TMSB15A: variants seen among roughly 807,000 people sequenced by gnomAD.
TMSB15A encodes thymosin beta-15A.
In TMSB15A, 1 loss-of-function variant was observed where a neutral mutation model predicts 3.2. The ratio of observed to expected loss-of-function variants is 0.32; its 90% confidence interval spans 0.11 to 1.50. The LOEUF (loss-of-function observed/expected upper bound fraction) is 1.50, where lower values mean the gene tolerates loss of function less well. TMSB15A is among the 40% of genes most tolerant of loss of function. The pLI, the probability that TMSB15A is intolerant of heterozygous loss-of-function variation, is 0.39. For missense variants in TMSB15A, 22 were observed against 27.8 expected, an observed-to-expected ratio of 0.79 and a Z score of 0.47; for synonymous variants, 10 against 11.2, an observed-to-expected ratio of 0.90 and a Z score of 0.21.
intron 1 of TMSB15A, among the ~76,000 whole-genome samples, 180 bp from the exon 2 acceptor site, chrX:102,515,360 C>T (rs1230162954): frequency 8.9e-6 from 1 of 111,870 alleles, no homozygotes; most frequent in African/African-American, 3.3e-5. Context: ...TTTAACTCCA[C>T]ATCATTAGCC....
At position 102,515,085 on chromosome X, in the gene TMSB15A, T is replaced by A. The variant is rs1556403424; in HGVS notation, c.79A>T (p.Asn27Tyr). 8.3e-7 allele frequency: 1 copy of A among 1,211,377 alleles called. No individual in the cohort carries two copies. The highest frequency in any genetic ancestry group is 3.0e-5 in the East Asian group (1 of 33,828). Residue 27 changes from asparagine (N) to tyrosine (Y), a missense_variant, in exon 2 of 3, where the codon AAT (asparagine) becomes TAT (tyrosine). Asn to Tyr is a moderately radical substitution (Grantham distance 143, BLOSUM62 -2). Transcript: ENST00000289373. ...TTACTTTCCTTTGAGGGAAGAGTAT[T>A]TTTTTCTTCAGTATTAGTTTTCTTC... ...KLKKTNTEEK[N>Y]TLPSKETIQQ...
At position 102,513,732 on chromosome X, in the gene TMSB15A, G is replaced by A. The variant is rs984941507; in HGVS notation, c.*355C>T. The A allele has an allele frequency of 5.2e-6, 1 of 193,804 alleles. No homozygotes were observed. The highest frequency in any genetic ancestry group is 9.6e-6 in the Non-Finnish European group (1 of 104,017). 16.0% of individuals were successfully genotyped at this position (193,804 alleles called of 1,213,427 possible). On this transcript the variant is annotated 3_prime_UTR_variant, in exon 3 of 3. Transcript: ENST00000289373. ...ACTACATTAGAAATGCAAATAAACT[G>A]TGAAAAGCTGCAAAAGCATGCAACT...
intron 1 of TMSB15A, 29 bp from the exon 2 acceptor site, chrX:102,515,209 C>T (rs1556403469): frequency 8.4e-7 from 1 of 1,187,369 alleles, no homozygotes; most frequent in Middle Eastern, 3.2e-4. Context: ...TTTAAGAAAA[C>T]TTACCTGGCA....
intron 1 of TMSB15A, among the ~76,000 whole-genome samples, chrX:102,515,712 G>C (rs1156291725): frequency 9.0e-6 from 1 of 110,772 alleles, no homozygotes; most frequent in Non-Finnish European, 1.9e-5. Flanking sequence ...AAAGATGACA[G>C]TACATTAAGG....
At chrX:102,515,649 A>C (rs1350088950) in intron 1 of TMSB15A, among the ~76,000 whole-genome samples, 2 of 107,174 alleles carry the variant, frequency 1.9e-5, no homozygotes, top group Non-Finnish European at 3.9e-5. Flanking sequence ...GAGCAGCACA[A>C]AAAAAAAAAG....
chrX:102,514,535 A>C (rs1434583599), intron 2 of TMSB15A, among the ~76,000 whole-genome samples: 1 of 111,947 alleles, frequency 8.9e-6, no homozygotes, highest in African/African-American at 3.2e-5. Context: ...TTTTGCAAAA[A>C]CACTTGGAGT....
intron 2 of TMSB15A, among the ~76,000 whole-genome samples, chrX:102,514,852 T>C (rs782719595): frequency 1.9e-4 from 21 of 111,295 alleles, no homozygotes; most frequent in Middle Eastern, 9.4e-3. Context: ...AAACTAGTTT[T>C]CCCCCCCATT....
intron 2 of TMSB15A, 136 bp from the exon 3 acceptor site, chrX:102,514,260 A>C (rs1556403270): frequency 4.8e-5 from 31 of 650,312 alleles, no homozygotes; most frequent in Non-Finnish European, 2.5e-6. Context: ...ATTAACCACA[A>C]ATCCTCACAT....
Position 102,515,051 on chromosome X carries a change from C to T in TMSB15A, c.100+13G>A. On this transcript the variant is annotated intron_variant, in intron 2 of 2. Transcript: ENST00000289373. ...TCTACTGTGTGTTTCCACTAGAACC[C>T]CCCATGACTTACTTTCCTTTGAGGG... 1 of 1,207,863 alleles carries T rather than the reference C, an allele frequency of 8.3e-7. No homozygotes were observed. The highest frequency in any genetic ancestry group is 1.1e-6 in the Non-Finnish European group (1 of 892,498).
intron 2 of TMSB15A, 129 bp downstream of exon 2, chrX:102,514,935 T>G: frequency 1.5e-6 from 1 of 650,066 alleles, no homozygotes; most frequent in Non-Finnish European, 2.3e-6. Context: ...TTTTAACTGT[T>G]ACATTAAACA....
chrX:102,514,263 C>A (rs1472558098), intron 2 of TMSB15A, 139 bp from the exon 3 acceptor site: 5 of 647,611 alleles, frequency 7.7e-6, no homozygotes, highest in Admixed American at 4.8e-5. Context: ...AACCACAAAT[C>A]CTCACATTAG....
At chrX:102,516,107 T>A (rs1352550150) in intron 1 of TMSB15A, among the ~76,000 whole-genome samples, 3 of 110,650 alleles carry the variant, frequency 2.7e-5, no homozygotes, top group Non-Finnish European at 3.8e-5. Flanking sequence ...CGAACATGCC[T>A]CCATTCCGTC....
intron 1 of TMSB15A, among the ~76,000 whole-genome samples, chrX:102,515,994 G>A (rs782128385): frequency 9.0e-6 from 1 of 110,915 alleles, no homozygotes; most frequent in Non-Finnish European, 1.9e-5. Flanking sequence ...AGAAATCGGA[G>A]GGCAGAGTTC....
At chrX:102,515,037 T>C (rs1556403394) in intron 2 of TMSB15A, 27 bp downstream of exon 2, 12 of 1,200,936 alleles carry the variant, frequency 1.0e-5, no homozygotes, top group Non-Finnish European at 1.2e-5. Flanking sequence ...CTACTGTGTG[T>C]TTCCACTAGA....
Position 102,516,723 on chromosome X carries a change from C to T in TMSB15A, c.-75G>A, listed in dbSNP as rs1273715358. ...GCGGGGCTGAGACCCAGACTCGCTC[C>T]GGACCAGGTTAGCGTTCCCGCGCAG... On this transcript the variant is annotated 5_prime_UTR_variant, in exon 1 of 3. Transcript: ENST00000289373. 9.0e-6 allele frequency: 1 copy of T among 111,437 alleles called. No individual in the cohort carries two copies. Among genetic ancestry groups the T allele is most frequent in the South Asian group, 3.8e-4 (1 of 2,604 alleles). The allele number at this position is 111,437 out of a possible 1,213,427, so 9.2% of individuals were successfully genotyped here.
In TMSB15A at chrX:102,514,084, A is replaced by G. The variant is rs1556403232; in HGVS notation, c.*3T>C. On this transcript the variant is annotated 3_prime_UTR_variant, in exon 3 of 3. Coordinates refer to ENST00000289373, the MANE Select transcript of TMSB15A (RefSeq NM_021992.3). ...AATCTGCTGTTGGGAGGCGATCCCC[A>G]TTTTATGATGTTTGAACACACTCTT... 2 of 1,211,704 alleles carry G rather than the reference A, an allele frequency of 1.7e-6. No homozygotes were observed.
chrX:102,515,310 G>C, intron 1 of TMSB15A, 130 bp from the exon 2 acceptor site: 1 of 515,304 alleles, frequency 1.9e-6, no homozygotes, highest in Middle Eastern at 6.2e-4. Flanking sequence ...CAGAAAAACA[G>C]CAACAGATCT....
At chrX:102,515,638 G>C in intron 1 of TMSB15A, among the ~76,000 whole-genome samples, 1 of 108,323 alleles carries the variant, frequency 9.2e-6, no homozygotes, top group Non-Finnish European at 1.9e-5. Flanking sequence ...TAGGAGACGG[G>C]GAGCAGCACA....
At chrX:102,516,030 C>T (rs1252086219) in intron 1 of TMSB15A, among the ~76,000 whole-genome samples, 1 of 110,352 alleles carries the variant, frequency 9.1e-6, no homozygotes, top group African/African-American at 3.3e-5. Flanking sequence ...GCCCCACCCT[C>T]GTGCAGTAAG....
Sources: gnomAD v4.1 joint callset for allele counts (sites outside exome capture counted in the v4.1 genomes callset) on GRCh38, gnomAD v4.1.1 for gene constraint, MANE v1.5 for transcripts, NCBI Gene and HGNC (gene_info 2026-07-23, HGNC 2026-07-21) for gene names.